FAM167A: variants seen among roughly 807,000 people sequenced by gnomAD.
FAM167A encodes the protein family with sequence similarity 167 member A, also known as protein FAM167A.
FAM167A carries 23 observed loss-of-function variants against 14.9 expected under a neutral mutation model. The observed-to-expected ratio is 1.55, with a 90% CI of 1.11 to 2.19. The LOEUF (loss-of-function observed/expected upper bound fraction) is 2.19. FAM167A is among the 30% of genes most tolerant of loss of function. FAM167A has a pLI of 0.00. For missense variants in FAM167A, 401 were observed against 281.5 expected (o/e 1.42, Z -3.04); for synonymous variants, 174 against 117.7 (o/e 1.48, Z -3.10).
At chr8:11,437,452 A>ACAAT (rs1806104048) in intron 2 of FAM167A, among the ~76,000 whole-genome samples, 1 of 152,186 alleles carries the variant, frequency 6.6e-6, no homozygotes, top group Non-Finnish European at 1.5e-5. Context: ...TTATCATTTT[A>ACAAT]CAATCACAAA....
At chr8:11,467,252 G>T (rs1807812139), upstream of FAM167A, among the ~76,000 whole-genome samples, 1 of 152,278 alleles carries the variant, frequency 6.6e-6, no homozygotes, top group Non-Finnish European at 1.5e-5. Flanking sequence ...AAACTGAGGT[G>T]CAAAGACGCG....
rs117007032 is a variant in FAM167A at position 11,459,669 on chromosome 8, A to C, written c.-398+6957T>G. ...CCATTAACAACCTGTGACGCTGGAC[A>C]AGTCACACGACTCTTTGGAATTCAA... On this transcript the variant is annotated intron_variant, in intron 1 of 2. Coordinates refer to ENST00000284486, the MANE Select transcript of FAM167A (RefSeq NM_053279.3). Among the ~76,000 whole-genome samples, 1,028 of 152,302 alleles carry C rather than the reference A, an allele frequency of 6.7e-3. 2 individuals are homozygous for C. Among genetic ancestry groups the C allele is most frequent in the Non-Finnish European group, 9.7e-3 (663 of 68,022 alleles).
At chr8:11,428,105 A>G (rs1247020501) in intron 2 of FAM167A, among the ~76,000 whole-genome samples, 1 of 137,672 alleles carries the variant, frequency 7.3e-6, no homozygotes, top group East Asian at 1.9e-4. Context: ...TTGAAAAACT[A>G]GGAACCCTAT....
chr8:11,461,338 C>T lies in FAM167A; in HGVS notation c.-398+5288G>A, dbSNP rs796294869. 2.0e-5 allele frequency among the ~76,000 whole-genome samples: 3 copies of T among 152,354 alleles called. No individual in the cohort carries two copies. In the South Asian group the frequency reaches 6.2e-4, roughly 32 times the overall value. On this transcript the variant is annotated intron_variant, in intron 1 of 2. Coordinates refer to ENST00000284486, the MANE Select transcript of FAM167A (RefSeq NM_053279.3). ...AAAAAGAGAAGGATGTGGTTTTCCT[C>T]CCGGGAAACGCTCGACAAGGCAGGG...
At chr8:11,454,914 C>G (rs1807168754) in intron 1 of FAM167A, among the ~76,000 whole-genome samples, 1 of 152,210 alleles carries the variant, frequency 6.6e-6, no homozygotes, top group African/African-American at 2.4e-5. Context: ...CCAGGCTGCC[C>G]TAGTGGTCCC....
At chr8:11,436,029 A>G (rs943274265) in intron 2 of FAM167A, among the ~76,000 whole-genome samples, 1 of 152,120 alleles carries the variant, frequency 6.6e-6, no homozygotes, top group Non-Finnish European at 1.5e-5. Context: ...TGCTCCTCAC[A>G]GCCTGGCTCA....
In FAM167A at chr8:11,424,636, T is replaced by C. The variant is rs1585222380; in HGVS notation, c.382A>G (p.Thr128Ala). ...TGCTGGTCCTGCAGCCGCATCTCCG[T>C]CTGGAAGGGAGGGGGAGCAGGCAGG... ...EAIAWLRKELTEMRLQDQQLA... is the reference protein window; with the variant it reads ...EAIAWLRKELAEMRLQDQQLA... The change falls in exon 3 of 3, where the codon ACG (threonine) becomes GCG (alanine). Residue 128 changes from threonine (T) to alanine (A), a missense_variant and splice_region_variant. By Grantham distance (58) the Thr-to-Ala change is moderately conservative (BLOSUM62 0). Coordinates refer to ENST00000284486, the MANE Select transcript of FAM167A (RefSeq NM_053279.3). The C allele has an allele frequency of 4.3e-6, 7 of 1,613,306 alleles. No homozygotes were observed. The East Asian group carries it at 1.6e-4, about 36-fold the overall frequency.
chr8:11,429,679 G>C (rs965007930), intron 2 of FAM167A, among the ~76,000 whole-genome samples: 4 of 152,206 alleles, frequency 2.6e-5, no homozygotes, highest in East Asian at 1.9e-4. Context: ...AGAGCTGGAA[G>C]ACTCTCCCAG....
At chr8:11,436,603 A>G (rs1806036038) in intron 2 of FAM167A, among the ~76,000 whole-genome samples, 1 of 152,218 alleles carries the variant, frequency 6.6e-6, no homozygotes, top group South Asian at 2.1e-4. Flanking sequence ...CACCTGCAGG[A>G]AGGCCTCCCC....
In FAM167A at chr8:11,431,349, T is replaced by C. The variant is rs539590312; in HGVS notation, c.382-6713A>G. Among the ~76,000 whole-genome samples, 6 of 152,252 alleles carry C rather than the reference T, an allele frequency of 3.9e-5. No individual in the cohort carries two copies. The East Asian group carries it at 5.8e-4, about 15-fold the overall frequency. On this transcript the variant is annotated intron_variant, in intron 2 of 2. Transcript: ENST00000284486. ...GAGGTTCCTAGCGTAGTCCAATTCATAGTGATGGAAAGCAGGACAGTGGTG... is the reference window on the plus strand; with the variant it reads ...GAGGTTCCTAGCGTAGTCCAATTCACAGTGATGGAAAGCAGGACAGTGGTG...
chr8:11,458,334 C>A (rs1305686654), intron 1 of FAM167A, among the ~76,000 whole-genome samples: 2 of 152,236 alleles, frequency 1.3e-5, no homozygotes, highest in Non-Finnish European at 2.9e-5. Context: ...TGGATCTGAG[C>A]ACTTTCCTGC....
chr8:11,444,266 C>T lies in FAM167A; in HGVS notation c.146G>A (p.Trp49Ter). 1 of 1,611,480 alleles carries T rather than the reference C, an allele frequency of 6.2e-7. No individual in the cohort carries two copies. The highest frequency in any genetic ancestry group is 8.5e-7 in the Non-Finnish European group (1 of 1,179,524). ...LETRRPSYLE[W>*]QARLEEHTWP... Reference sequence around the variant, plus strand: ...GGTATGCTCCTCCAGCCTGGCCTGCCATTCCAGGTAGGAGGGCCTGCGGGT... The same window carrying T: ...GGTATGCTCCTCCAGCCTGGCCTGCTATTCCAGGTAGGAGGGCCTGCGGGT... Residue 49 changes from tryptophan to a stop codon, truncating the protein, a stop_gained, in exon 2 of 3, where the codon TGG becomes TAG. Coordinates refer to ENST00000284486, the MANE Select transcript of FAM167A (RefSeq NM_053279.3). LOFTEE classifies it high-confidence loss of function.
intron 1 of FAM167A, among the ~76,000 whole-genome samples, chr8:11,450,131 C>A (rs532131530): frequency 6.6e-6 from 1 of 152,190 alleles, no homozygotes; most frequent in Non-Finnish European, 1.5e-5. Flanking sequence ...CTTTCACACC[C>A]CTGACTCGGC....
chr8:11,462,435 T>C (rs1807579213), intron 1 of FAM167A, among the ~76,000 whole-genome samples: 1 of 152,204 alleles, frequency 6.6e-6, no homozygotes, highest in Non-Finnish European at 1.5e-5. Flanking sequence ...TAGTTACACC[T>C]CTAATACGAC....
Position 11,443,950 on chromosome 8 carries a change from C to G in FAM167A, c.381+81G>C, listed in dbSNP as rs1585257595. The G allele has an allele frequency of 2.0e-6, 3 of 1,492,930 alleles. No homozygotes were observed. In the East Asian group the frequency reaches 6.9e-5, roughly 34 times the overall value. The allele number at this position is 1,492,930 out of a possible 1,614,324, so 92.5% of individuals were successfully genotyped here. A position where few individuals can be genotyped will look rare whatever the true frequency, so the allele number is the denominator to read the frequency against. ...GAAATACATGGTGGGGGTGGGGAGA[C>G]AGACAGAGAGAGACAGAAAAAGACA... On this transcript the variant is annotated intron_variant, in intron 2 of 2. Transcript: ENST00000284486.
chr8:11,458,305 G>A (rs1213341058), intron 1 of FAM167A, among the ~76,000 whole-genome samples: 2 of 152,200 alleles, frequency 1.3e-5, no homozygotes, highest in Non-Finnish European at 2.9e-5. Flanking sequence ...TGGAGCTGAT[G>A]GCTTCCTCCC....
chr8:11,468,984 G>A (rs34801597), upstream of FAM167A, among the ~76,000 whole-genome samples: 42,490 of 152,142 alleles, frequency 0.28, 6,958 homozygotes, highest in East Asian at 0.63. Context: ...GGTTGGAGTA[G>A]CCTCAACTCC....
chr8:11,445,463 A>C (rs2117094088), intron 1 of FAM167A: 2 of 985,880 alleles, frequency 2.0e-6, no homozygotes, highest in Non-Finnish European at 2.4e-6. Flanking sequence ...GCAGCTGTGG[A>C]GGGAAGAAGG....
chr8:11,445,524 C>G (rs925605185), intron 1 of FAM167A: 1 of 985,440 alleles, frequency 1.0e-6, no homozygotes, highest in East Asian at 1.1e-4. Context: ...ACTCATTGTT[C>G]TAGAACGAGG....
Sources: allele counts gnomAD v4.1 joint callset (sites outside exome capture counted in the v4.1 genomes callset), GRCh38; gene constraint gnomAD v4.1.1; transcripts MANE v1.5; gene names NCBI Gene and HGNC (gene_info 2026-07-23, HGNC 2026-07-21).